ERC1: variants seen among roughly 807,000 people sequenced by gnomAD.
ERC1 encodes RAB6 interacting protein 2.
ERC1 carries 56 observed loss-of-function variants against 132.0 expected under a neutral mutation model. The ratio of observed to expected loss-of-function variants is 0.42; its 90% CI spans 0.34 to 0.53. The LOEUF (loss-of-function observed/expected upper bound fraction) is 0.53, where lower values mean the gene tolerates loss of function less well. ERC1 is among the 20% of genes least tolerant of loss of function. ERC1 has a pLI of 0.03. For missense variants in ERC1, 1,202 were observed against 1,349.9 expected (o/e 0.89, Z 1.72); for synonymous variants, 478 against 476.1 (o/e 1.00, Z -0.05).
Position 1,070,916 on chromosome 12 carries a change from C to T in ERC1, c.670-12248C>T, listed in dbSNP as rs112381301. On this transcript the variant is annotated intron_variant, in intron 2 of 18. Coordinates refer to ENST00000360905, the MANE Select transcript of ERC1 (RefSeq NM_178040.4). ...TCTGATTCCTTTCACTTTAATTTTACGTGTTCTCGAACTTCATTTAAATGG... is the reference window on the plus strand; with the variant it reads ...TCTGATTCCTTTCACTTTAATTTTATGTGTTCTCGAACTTCATTTAAATGG... 7.6e-3 allele frequency among the ~76,000 whole-genome samples: 1,161 copies of T among 152,310 alleles called. 11 individuals are homozygous for T. The highest frequency in any genetic ancestry group is 0.027 in the African/African-American group (1,107 of 41,568).
At chr12:993,334 A>G (rs1469149947) in intron 1 of ERC1, among the ~76,000 whole-genome samples, 2 of 152,200 alleles carry the variant, frequency 1.3e-5, no homozygotes, top group Non-Finnish European at 2.9e-5. Flanking sequence ...TCCTAAAATG[A>G]CATTTGCATG....
Position 1,303,744 on chromosome 12 carries a change from C to T in ERC1, c.2780+13732C>T, listed in dbSNP as rs553953395. Among the ~76,000 whole-genome samples, 394 of 152,104 alleles carry T rather than the reference C, an allele frequency of 2.6e-3. 1 individual carries two copies. The highest frequency in any genetic ancestry group is 0.02 in the Middle Eastern group (6 of 294). ...GCCAAGGCGGGGCATCACCTGAGGT[C>T]GGGAGTTTGAGACCAGCCTGACCAA... On this transcript the variant is annotated intron_variant, in intron 15 of 18. Transcript: ENST00000360905.
At chr12:1,397,743 G>A (rs985745292) in intron 16 of ERC1, among the ~76,000 whole-genome samples, 1 of 152,036 alleles carries the variant, frequency 6.6e-6, no homozygotes, top group Non-Finnish European at 1.5e-5. Context: ...AGCCTTCTGT[G>A]ATTATACCTA....
chr12:1,201,413 A>G (rs910094452), intron 12 of ERC1, among the ~76,000 whole-genome samples: 2 of 152,210 alleles, frequency 1.3e-5, no homozygotes, highest in African/African-American at 4.8e-5. Flanking sequence ...GTATTTCTAA[A>G]TTAATATTAT....
intron 18 of ERC1, among the ~76,000 whole-genome samples, chr12:1,476,212 C>T (rs1403122411): frequency 6.6e-6 from 1 of 151,244 alleles, no homozygotes; most frequent in African/African-American, 2.4e-5. Context: ...GCTGAGATCA[C>T]GCCACTACAC....
At chr12:1,381,849 G>A (rs1222414461) in intron 16 of ERC1, among the ~76,000 whole-genome samples, 1 of 152,128 alleles carries the variant, frequency 6.6e-6, no homozygotes, top group African/African-American at 2.4e-5. Context: ...AAGCCATTCT[G>A]TGCTTTTTTT....
intron 13 of ERC1, among the ~76,000 whole-genome samples, chr12:1,249,941 CATG>C (rs2076372526): frequency 6.6e-6 from 1 of 152,172 alleles, no homozygotes; most frequent in South Asian, 2.1e-4. Flanking sequence ...GCTCTGCTCT[CATG>C]ACCTAATGAC....
chr12:1,403,881 A>G (rs1290556756), intron 16 of ERC1, among the ~76,000 whole-genome samples: 1 of 152,244 alleles, frequency 6.6e-6, no homozygotes, highest in Non-Finnish European at 1.5e-5. Context: ...CAACATGGAA[A>G]GGTTTCTTAA....
chr12:1,406,079 C>T (rs766145548), intron 16 of ERC1, among the ~76,000 whole-genome samples: 6 of 152,082 alleles, frequency 3.9e-5, no homozygotes, highest in East Asian at 1.9e-4. Flanking sequence ...GTCAGTTTTA[C>T]GCCAGACACC....
intron 15 of ERC1, among the ~76,000 whole-genome samples, chr12:1,328,651 T>TTC (rs965866471): frequency 6.6e-6 from 1 of 150,786 alleles, no homozygotes; most frequent in African/African-American, 2.5e-5. Flanking sequence ...CCTTTTTCCT[T>TTC]TCTCCCCCCT....
intron 7 of ERC1, among the ~76,000 whole-genome samples, chr12:1,137,100 C>CTTTTTTTTTTTTTTTTTTTTTTT (rs944757047): frequency 7.3e-5 from 9 of 122,890 alleles, no homozygotes; most frequent in East Asian, 2.3e-4. Flanking sequence ...TTTTTCTTTT[C>CTTTTTTTTTTTTTTTTTTTTTTT]TTTTTTTTTT....
chr12:1,396,202 G>T (rs1317178485), intron 16 of ERC1, among the ~76,000 whole-genome samples: 2 of 152,112 alleles, frequency 1.3e-5, no homozygotes, highest in East Asian at 3.8e-4. Flanking sequence ...GTAACACTGG[G>T]TTTTAAATTC....
chr12:1,423,510 G>A (rs1209974793), intron 17 of ERC1, among the ~76,000 whole-genome samples: 1 of 152,050 alleles, frequency 6.6e-6, no homozygotes, highest in Non-Finnish European at 1.5e-5. Context: ...ATCCATCTTA[G>A]TGAACATAAC....
chr12:1,194,535 G>A (rs992856521), intron 12 of ERC1, among the ~76,000 whole-genome samples: 1 of 152,170 alleles, frequency 6.6e-6, no homozygotes, highest in Non-Finnish European at 1.5e-5. Flanking sequence ...CATCTTAGCT[G>A]AATGTTCCCA....
chr12:1,363,543 C>CTTTTTTTT (rs34769986), intron 15 of ERC1, among the ~76,000 whole-genome samples: 10 of 94,338 alleles, frequency 1.1e-4, no homozygotes, highest in Non-Finnish European at 1.3e-4. Flanking sequence ...TATTTCTTTC[C>CTTTTTTTT]TTTTTTTTTT....
intron 1 of ERC1, among the ~76,000 whole-genome samples, chr12:1,007,483 TCTCTCTC>T (rs1963864931): frequency 6.8e-6 from 1 of 147,728 alleles, no homozygotes; most frequent in Admixed American, 6.7e-5. Context: ...TCTCTCTCTC[TCTCTCTC>T]TCTTTCTCTC....
chr12:1,477,160 G>A (rs2093990792), intron 18 of ERC1, among the ~76,000 whole-genome samples: 1 of 151,898 alleles, frequency 6.6e-6, no homozygotes, highest in South Asian at 2.1e-4. Context: ...ACATAGAAGA[G>A]TTATTATGCT....
intron 14 of ERC1, among the ~76,000 whole-genome samples, chr12:1,269,210 A>G (rs1384219846): frequency 6.6e-6 from 1 of 152,238 alleles, no homozygotes; most frequent in African/African-American, 2.4e-5. Context: ...CTAACCCAAC[A>G]GATAACATTT....
At chr12:1,298,570 A>G (rs959209168) in intron 15 of ERC1, among the ~76,000 whole-genome samples, 28 of 151,356 alleles carry the variant, frequency 1.8e-4, no homozygotes, top group African/African-American at 6.0e-4. Flanking sequence ...ACAAACAAAG[A>G]AAAAGCACCT....
Sources: gnomAD v4.1 joint callset for allele counts (sites outside exome capture counted in the v4.1 genomes callset) on GRCh38, gnomAD v4.1.1 for gene constraint, MANE v1.5 for transcripts, NCBI Gene and HGNC (gene_info 2026-07-23, HGNC 2026-07-21) for gene names.